The following SOX6 variants were observed in gnomAD, a reference collection of about 807,000 sequenced individuals.
The protein encoded by SOX6 is SRY-box transcription factor 6.
Under a neutral mutation model 97.8 loss-of-function variants are expected in SOX6, and 11 were observed. The observed-to-expected ratio is 0.11, with a 90% CI of 0.07 to 0.19. The LOEUF (loss-of-function observed/expected upper bound fraction) is 0.19. SOX6 is among the 10% of genes least tolerant of loss of function. The probability of loss-of-function intolerance (pLI) is 1.00; values close to 1 mark genes in which losing one functional copy is unlikely to be tolerated. For missense variants in SOX6, 810 were observed against 1,039.5 expected (o/e 0.78, Z 3.04); for synonymous variants, 360 against 371.4 (o/e 0.97, Z 0.35).
chr11:16,731,894 G>C (rs1050587562), intron 2 of SOX6, among the ~76,000 whole-genome samples: 1 of 152,180 alleles, frequency 6.6e-6, no homozygotes, highest in Non-Finnish European at 1.5e-5. Flanking sequence ...CTTCAGCAAA[G>C]TCTCAGAACA....
chr11:16,038,129 T>A (rs997355583), intron 12 of SOX6, among the ~76,000 whole-genome samples: 1 of 152,294 alleles, frequency 6.6e-6, no homozygotes, highest in East Asian at 1.9e-4. Flanking sequence ...AATCTAGAGA[T>A]GATTTAAGGA....
intron 13 of SOX6, among the ~76,000 whole-genome samples, chr11:16,002,526 G>A: frequency 6.6e-6 from 1 of 152,154 alleles, no homozygotes. Flanking sequence ...CCTGAAGGGA[G>A]CATAGAGCAT....
At chr11:16,245,009 C>T (rs1853297388) in intron 3 of SOX6, among the ~76,000 whole-genome samples, 1 of 151,682 alleles carries the variant, frequency 6.6e-6, no homozygotes, top group Non-Finnish European at 1.5e-5. Flanking sequence ...TTCTGGAATT[C>T]TGATTGAATT....
intron 4 of SOX6, among the ~76,000 whole-genome samples, chr11:16,581,517 C>T (rs1041894622): frequency 4.6e-5 from 7 of 152,120 alleles, no homozygotes; most frequent in African/African-American, 1.7e-4. Context: ...ACCTAGATGA[C>T]AGGTTGAGAG....
intron 4 of SOX6, among the ~76,000 whole-genome samples, chr11:16,529,076 T>C (rs1253304950): frequency 6.6e-6 from 1 of 152,104 alleles, no homozygotes; most frequent in South Asian, 2.1e-4. Context: ...CAGACCACGA[T>C]ATGTCTGCCA....
intron 12 of SOX6, among the ~76,000 whole-genome samples, chr11:16,022,841 G>T (rs1855108149): frequency 6.6e-6 from 1 of 152,098 alleles, no homozygotes; most frequent in Non-Finnish European, 1.5e-5. Flanking sequence ...TCACCTGTAT[G>T]ATAAGAACCA....
At chr11:16,346,204 A>G (rs11821781) in intron 1 of SOX6, among the ~76,000 whole-genome samples, 34,179 of 151,946 alleles carry the variant, frequency 0.22, 4,263 homozygotes, top group Admixed American at 0.34. Flanking sequence ...TTGAGCTGAT[A>G]TTGAGAAATA....
chr11:16,563,669 GA>G (rs1847839012), intron 4 of SOX6, among the ~76,000 whole-genome samples: 1 of 152,178 alleles, frequency 6.6e-6, no homozygotes, highest in Non-Finnish European at 1.5e-5. Flanking sequence ...CTGGAGGACA[GA>G]AGAAAGACAG....
At chr11:16,514,236 G>C (rs1346362535) in intron 4 of SOX6, among the ~76,000 whole-genome samples, 12 of 147,986 alleles carry the variant, frequency 8.1e-5, no homozygotes, top group Admixed American at 8.0e-4. Context: ...AAAAAAAGGT[G>C]TTTAAAAAAA....
At chr11:16,285,872 T>A (rs1590092524) in intron 3 of SOX6, among the ~76,000 whole-genome samples, 1 of 152,142 alleles carries the variant, frequency 6.6e-6, no homozygotes, top group Non-Finnish European at 1.5e-5. Context: ...CGGAAGCAAA[T>A]GAGTCTTCTG....
chr11:16,359,219 A>C (rs1233288969), upstream of SOX6, among the ~76,000 whole-genome samples: 1 of 152,042 alleles, frequency 6.6e-6, no homozygotes, highest in Non-Finnish European at 1.5e-5. Flanking sequence ...AAAAAAGGAC[A>C]TTCCAAGATG....
At chr11:16,137,090 C>A (rs1849987254) in intron 6 of SOX6, among the ~76,000 whole-genome samples, 1 of 152,148 alleles carries the variant, frequency 6.6e-6, no homozygotes, top group South Asian at 2.1e-4. Flanking sequence ...TTAATCTAAT[C>A]TGAACTTTCT....
intron 13 of SOX6, among the ~76,000 whole-genome samples, chr11:15,995,934 T>C (rs2119847550): frequency 6.6e-6 from 1 of 152,114 alleles, no homozygotes; most frequent in Middle Eastern, 3.4e-3. Context: ...AAAGCATGAG[T>C]TACCAGCAGA....
rs2119763359 is a variant in SOX6 at position 15,973,070 on chromosome 11, C to T, written c.2226G>A (p.Val742=). The T allele has an allele frequency of 6.2e-7, 1 of 1,614,156 alleles. No homozygotes were observed. The highest frequency in any genetic ancestry group is 8.5e-7 in the Non-Finnish European group (1 of 1,180,016). ...QIPITTGTGV[V]YPGAITMATT... ...TTGCCATAGTGATAGCACCAGGATA[C>T]ACAACACCTGTTCCTGTGGTGATTG... The change falls in exon 16 of 16, where the codon GTG becomes GTA. Residue 742 remains valine (V), a synonymous_variant. Transcript: ENST00000683767.
intron 1 of SOX6, among the ~76,000 whole-genome samples, chr11:16,352,809 T>C (rs1276047215): frequency 2.6e-5 from 4 of 152,152 alleles, no homozygotes; most frequent in African/African-American, 9.6e-5. Context: ...AGATATGTAA[T>C]TACTAGTTAA....
intron 14 of SOX6, among the ~76,000 whole-genome samples, chr11:15,986,990 C>T (rs1853866619): frequency 6.6e-6 from 1 of 152,138 alleles, no homozygotes; most frequent in Non-Finnish European, 1.5e-5. Flanking sequence ...CCGGAAGATA[C>T]CATTGGAATT....
At chr11:16,060,782 T>A (rs1847928590) in intron 9 of SOX6, among the ~76,000 whole-genome samples, 1 of 151,938 alleles carries the variant, frequency 6.6e-6, no homozygotes, top group East Asian at 1.9e-4. Context: ...AAAATATAAA[T>A]CCTTAACACT....
chr11:16,174,340 A>C (rs566051388), intron 6 of SOX6, among the ~76,000 whole-genome samples: 1 of 152,050 alleles, frequency 6.6e-6, no homozygotes, highest in South Asian at 2.1e-4. Flanking sequence ...CTTAACTTTC[A>C]TTGTTTGATA....
intron 1 of SOX6, among the ~76,000 whole-genome samples, chr11:16,376,162 G>C (rs568384331): frequency 6.6e-6 from 1 of 152,008 alleles, no homozygotes; most frequent in Non-Finnish European, 1.5e-5. Flanking sequence ...ATGTATCCCA[G>C]AACTTAAAGT....
Sources: allele counts gnomAD v4.1 joint callset (sites outside exome capture counted in the v4.1 genomes callset), GRCh38; gene constraint gnomAD v4.1.1; transcripts MANE v1.5; gene names NCBI Gene and HGNC (gene_info 2026-07-23, HGNC 2026-07-21).